The following PDPR variants were observed in gnomAD, a reference collection of about 807,000 sequenced individuals.
PDPR encodes pyruvate dehydrogenase phosphatase regulatory subunit, mitochondrial.
Under a neutral mutation model 102.2 loss-of-function variants are expected in PDPR, and 50 were observed. The observed-to-expected ratio is 0.49, with a 90% confidence interval of 0.39 to 0.62. The LOEUF (loss-of-function observed/expected upper bound fraction) is 0.62, where lower values mean the gene tolerates loss of function less well. PDPR is among the 20% of genes least tolerant of loss of function. The pLI, the probability that PDPR is intolerant of heterozygous loss-of-function variation, is 0.00. For missense variants in PDPR, 625 were observed against 1,098.2 expected, an observed-to-expected ratio of 0.57 and a Z score of 6.09; for synonymous variants, 259 against 406.0, an observed-to-expected ratio of 0.64 and a Z score of 4.35.
rs74024167 is a variant in PDPR at position 70,143,393 on chromosome 16, G to A, written c.1606-117G>A. The A allele has an allele frequency of 1.7e-4, 226 of 1,297,868 alleles. No homozygotes were observed. The African/African-American group carries it at 2.3e-3, about 13-fold the overall frequency. The allele number at this position is 1,297,868 out of a possible 1,614,324, so 80.4% of individuals were successfully genotyped here. A position where few individuals can be genotyped will look rare whatever the true frequency, so the allele number is the denominator to read the frequency against. ...GCAGTGGAGTAGGTCTGCAAATGTT[G>A]TCACATGGGAATTGGCTGATTGAAT... is the stretch of plus-strand genomic sequence containing the variant. On this transcript the variant is annotated intron_variant, in intron 13 of 18. Transcript: ENST00000288050.
rs1161460559 is a variant in PDPR at position 70,120,694 on chromosome 16, G to T, written c.202G>T (p.Asp68Tyr). 1 of 1,613,096 alleles carries T rather than the reference G, an allele frequency of 6.2e-7. No homozygotes were observed. The change falls in exon 3 of 19, where the codon GAT becomes TAT. Residue 68 changes from aspartate (D) to tyrosine (Y), a missense_variant. Around this residue, in one of 11 missense-constraint regions of PDPR, gnomAD observed 84 missense variants for 87.7 expected, o/e 0.96. Coordinates refer to ENST00000288050, the MANE Select transcript of PDPR (RefSeq NM_017990.5). ...AYHLSKMGWK[D>Y]IVLLEQGRLA... ...TCACCTCTCCAAAATGGGGTGGAAG[G>T]ATATTGTCCTTTTGGAGCAGGGCAG...
rs1967200333 is a variant in PDPR, at chr16:70,156,414, T to C, written c.2236-61T>C. On this transcript the variant is annotated intron_variant, in intron 18 of 18. Coordinates refer to ENST00000288050, the MANE Select transcript of PDPR (RefSeq NM_017990.5). ...CACCAGGGGACCCTTCCCACGGTGC[T>C]GCTCTCTGTGCCGAGGGTCTGAGTG... 3.2e-6 allele frequency: 5 copies of C among 1,585,230 alleles called. No individual in the cohort carries two copies. The East Asian group carries it at 1.1e-4, about 36-fold the overall frequency.
intron 17 of PDPR, among the ~76,000 whole-genome samples, chr16:70,151,749 G>A (rs1247117251): frequency 6.6e-6 from 1 of 152,288 alleles, no homozygotes; most frequent in Non-Finnish European, 1.5e-5. Flanking sequence ...GAGATTATTT[G>A]TGCCACGCTT....
rs570394585 is a variant in PDPR at position 70,153,393 on chromosome 16, C to T, written c.2055C>T (p.Tyr685=). 5.0e-5 allele frequency: 80 copies of T among 1,612,068 alleles called. No individual in the cohort carries two copies. The highest frequency in any genetic ancestry group is 1.1e-4 in the African/African-American group (8 of 75,012). Residue 685 remains tyrosine (Y), a splice_region_variant and synonymous_variant, in exon 18 of 19, where the codon TAC becomes TAT. Coordinates refer to ENST00000288050, the MANE Select transcript of PDPR (RefSeq NM_017990.5). The part of the protein sequence containing the change: ...PGFMLYIPIE[Y]ALHVYNEVMS... The stretch of plus-strand genomic sequence containing the variant: ...GAACTTTCTGTCTCTTCCTATAGTA[C>T]GCCCTGCATGTATACAATGAAGTGA...
intron 6 of PDPR, 68 bp downstream of exon 6, chr16:70,129,190 C>G (rs887177827): frequency 6.2e-7 from 1 of 1,613,176 alleles, no homozygotes; most frequent in African/African-American, 1.3e-5. Context: ...AAGTGTCTCA[C>G]AATAGGAAGT....
intron 10 of PDPR, among the ~76,000 whole-genome samples, chr16:70,138,038 CTTT>C (rs200071207): frequency 8.4e-5 from 10 of 118,368 alleles, no homozygotes; most frequent in East Asian, 2.7e-4. Context: ...ATACCCAGCT[CTTT>C]TTTTTTTTTT....
At chr16:70,153,037 G>A (rs977768602) in intron 17 of PDPR, among the ~76,000 whole-genome samples, 2 of 152,292 alleles carry the variant, frequency 1.3e-5, no homozygotes, top group East Asian at 3.8e-4. Context: ...GACCATGGAG[G>A]GTTGGTGGGC....
rs548515738 is a variant in PDPR, at chr16:70,124,951, C to G, written c.228-2309C>G. Among the ~76,000 whole-genome samples, 5 of 152,394 alleles carry G rather than the reference C, an allele frequency of 3.3e-5. No homozygotes were observed. In the South Asian group the frequency reaches 6.2e-4, roughly 19 times the overall value. ...CTTGACATATGGGTCCCTTGCAAAACTGGGTCTTTGGGCCCTAGCATTACT... is the reference window on the plus strand; with the variant it reads ...CTTGACATATGGGTCCCTTGCAAAAGTGGGTCTTTGGGCCCTAGCATTACT... On this transcript the variant is annotated intron_variant, in intron 3 of 18. Transcript: ENST00000288050.
intron 2 of PDPR, among the ~76,000 whole-genome samples, chr16:70,116,730 C>T (rs1437227076): frequency 2.6e-5 from 4 of 152,050 alleles, no homozygotes; most frequent in Non-Finnish European, 5.9e-5. Flanking sequence ...TTGGTAGAGA[C>T]GGGGTTTCAC....
chr16:70,126,061 A>C (rs1963930524), intron 3 of PDPR, among the ~76,000 whole-genome samples: 1 of 152,266 alleles, frequency 6.6e-6, no homozygotes, highest in Non-Finnish European at 1.5e-5. Flanking sequence ...TTCATTTATT[A>C]TATTTTTTCT....
Position 70,162,332 on chromosome 16 carries a change from C to T in PDPR, c.*5453C>T, listed in dbSNP as rs1313349200. Reference sequence around the variant, plus strand: ...TGTTCCTGTGTAGTTACAATCTGGCCCTGAAGACATCCGAGGCACTTCAGT... The same window carrying T: ...TGTTCCTGTGTAGTTACAATCTGGCTCTGAAGACATCCGAGGCACTTCAGT... On this transcript the variant is annotated 3_prime_UTR_variant, in exon 19 of 19. Transcript: ENST00000288050. 1 of 152,676 alleles carries T rather than the reference C, an allele frequency of 6.5e-6. No individual in the cohort carries two copies. Among genetic ancestry groups the T allele is most frequent in the East Asian group, 1.9e-4 (1 of 5,208 alleles). 9.5% of individuals were successfully genotyped at this position (152,676 alleles called of 1,614,324 possible).
At chr16:70,124,161 A>G (rs1224914441) in intron 3 of PDPR, among the ~76,000 whole-genome samples, 2 of 152,254 alleles carry the variant, frequency 1.3e-5, no homozygotes, top group African/African-American at 4.8e-5. Context: ...TCGGGAGTTC[A>G]AGACCAGCCT....
intron 17 of PDPR, among the ~76,000 whole-genome samples, chr16:70,151,699 C>T (rs578008859): frequency 1.2e-3 from 180 of 152,254 alleles, no homozygotes; most frequent in African/African-American, 3.6e-3. Context: ...TTCTGATTTC[C>T]CTGGGCTGTT....
intron 11 of PDPR, among the ~76,000 whole-genome samples, chr16:70,141,823 G>A (rs185262999): frequency 2.2e-4 from 34 of 152,294 alleles, no homozygotes; most frequent in African/African-American, 7.5e-4. Flanking sequence ...AATTGGGCCG[G>A]GCAGAGTGGC....
At position 70,156,850 on chromosome 16, in the gene PDPR, A is replaced by C. The variant is rs1024355576; in HGVS notation, c.2611A>C (p.Met871Leu). ...LFTQKRRKDDMELSDLHGK is the reference protein window; with the variant it reads ...LFTQKRRKDDLELSDLHGK ...CACCCAGAAGCGCCGAAAGGATGAC[A>C]TGGAGCTGAGTGACTTACATGGGAA... is the stretch of plus-strand genomic sequence containing the variant. Residue 871 changes from methionine (M) to leucine (L), a missense_variant, in exon 19 of 19, where the codon ATG becomes CTG. Transcript: ENST00000288050. The C allele has an allele frequency of 6.2e-7, 1 of 1,613,922 alleles. No homozygotes were observed. Among genetic ancestry groups the C allele is most frequent in the Non-Finnish European group, 8.5e-7 (1 of 1,179,856 alleles).
intron 17 of PDPR, among the ~76,000 whole-genome samples, chr16:70,152,165 C>A (rs959320345): frequency 6.6e-6 from 1 of 152,274 alleles, no homozygotes; most frequent in Admixed American, 6.5e-5. Flanking sequence ...CAGGTGTTTC[C>A]CTTACACACA....
At chr16:70,130,973 T>C (rs1358179220) in intron 7 of PDPR, among the ~76,000 whole-genome samples, 2 of 152,284 alleles carry the variant, frequency 1.3e-5, no homozygotes, top group African/African-American at 4.8e-5. Context: ...AAGAAATACT[T>C]TTGCCATGTG....
chr16:70,154,386 G>A (rs552933231), intron 18 of PDPR, among the ~76,000 whole-genome samples: 1 of 152,350 alleles, frequency 6.6e-6, no homozygotes, highest in South Asian at 2.1e-4. Context: ...GCTCACAACT[G>A]TAATCCTAGC....
At chr16:70,139,588 C>G (rs1192230896) in intron 11 of PDPR, among the ~76,000 whole-genome samples, 1 of 152,280 alleles carries the variant, frequency 6.6e-6, no homozygotes, top group African/African-American at 2.4e-5. Context: ...CATTCCTGCT[C>G]TCACTCCCGT....
Sources: gnomAD v4.1 joint callset for allele counts (sites outside exome capture counted in the v4.1 genomes callset) on GRCh38, gnomAD v4.1.1 for gene constraint, gnomAD v4.1.1 regional missense constraint, MANE v1.5 for transcripts, NCBI Gene and HGNC (gene_info 2026-07-23, HGNC 2026-07-21) for gene names.